Variants in MMP11 observed in about 807,000 individuals in gnomAD.
MMP11 encodes the protein matrix metallopeptidase 11, also known as stromelysin-3.
Under a neutral mutation model 49.5 loss-of-function variants are expected in MMP11, and 26 were observed. The ratio of observed to expected loss-of-function variants is 0.52; its 90% CI spans 0.38 to 0.73. The LOEUF (loss-of-function observed/expected upper bound fraction) is 0.73. MMP11 is among the 30% of genes least tolerant of loss of function. MMP11 has a pLI of 0.00. For synonymous variants in MMP11, 265 were observed against 282.3 expected, an observed-to-expected ratio of 0.94 and a Z score of 0.62; for missense variants, 624 against 671.2, an observed-to-expected ratio of 0.93 and a Z score of 0.78.
In MMP11 at chr22:23,781,375, C is replaced by G. The variant is rs564965702; in HGVS notation, c.1041C>G (p.Phe347Leu). 1.9e-6 allele frequency: 3 copies of G among 1,611,462 alleles called. No individual in the cohort carries two copies. Among genetic ancestry groups the G allele is most frequent in the Admixed American group, 1.7e-5 (1 of 59,580 alleles). Residue 347 changes from phenylalanine to leucine, a missense_variant, in exon 6 of 8, where the codon TTC becomes TTG. Phe to Leu is a conservative substitution (Grantham distance 22). Transcript: ENST00000215743. Reference sequence around the variant, plus strand: ...TGCCCAGCCCTGTGGACGCTGCCTTCGAGGATGCCCAGGGCCACATTTGGT... The same window carrying G: ...TGCCCAGCCCTGTGGACGCTGCCTTGGAGGATGCCCAGGGCCACATTTGGT... ...QGLPSPVDAA[F>L]EDAQGHIWFF... is the part of the protein sequence containing the mutation.
intron 1 of MMP11, among the ~76,000 whole-genome samples, chr22:23,776,011 T>A (rs1409380623): frequency 6.6e-6 from 1 of 152,226 alleles, no homozygotes; most frequent in Non-Finnish European, 1.5e-5. Context: ...AGAGTCTCCA[T>A]GTCATAGAAC....
intron 2 of MMP11, chr22:23,779,665 G>C: frequency 1.8e-6 from 1 of 559,768 alleles, no homozygotes; most frequent in South Asian, 2.4e-5. Flanking sequence ...AAGAGTCGCA[G>C]CACATGCCTG....
Position 23,783,526 on chromosome 22 carries a change from T to G in MMP11, c.1449T>G (p.Pro483=), listed in dbSNP as rs907670161. Residue 483 remains proline (P), a synonymous_variant, in exon 8 of 8, where the codon CCT becomes CCG. Coordinates refer to ENST00000215743, the MANE Select transcript of MMP11 (RefSeq NM_005940.5). ...VGPDFFGCAE[P]ANTFL ...CTGACTTCTTTGGCTGTGCCGAGCCTGCCAACACTTTCCTCTGACCATGGC... is the reference window on the plus strand; with the variant it reads ...CTGACTTCTTTGGCTGTGCCGAGCCGGCCAACACTTTCCTCTGACCATGGC... 6.2e-7 allele frequency: 1 copy of G among 1,614,084 alleles called. No individual in the cohort carries two copies. The highest frequency in any genetic ancestry group is 2.2e-5 in the East Asian group (1 of 44,898).
Position 23,780,593 on chromosome 22 carries a change from G to A in MMP11, c.494G>A (p.Gly165Glu). Residue 165 changes from glycine to glutamate, a missense_variant, in exon 4 of 8, where the codon GGG becomes GAG. Physicochemically the swap from Gly to Glu is moderately conservative, Grantham distance 98 (BLOSUM62 -2). Transcript: ENST00000215743. This position sits in a 1 kb window ranked among gnomAD's most constrained non-coding sequence, Gnocchi z 4.6. ...CCACCCATCTGTAGGTACTGGCATG[G>A]GGACGACCTGCCGTTTGATGGGCCT... ...IMIDFARYWH[G>E]DDLPFDGPGG... 1 of 1,600,466 alleles carries A rather than the reference G, an allele frequency of 6.2e-7. No homozygotes were observed. The highest frequency in any genetic ancestry group is 8.5e-7 in the Non-Finnish European group (1 of 1,172,480).
Position 23,779,531 on chromosome 22 carries a change from A to G in MMP11, c.338+115A>G, listed in dbSNP as rs1024632381. The G allele has an allele frequency of 9.6e-6, 9 of 939,588 alleles. No individual in the cohort carries two copies. The Admixed American group carries it at 1.2e-4, about 13-fold the overall frequency. 58.2% of individuals were successfully genotyped at this position (939,588 alleles called of 1,614,324 possible). ...CAGGGTAGATCTTCGTGTCTAACAG[A>G]CCTGTGTGTCCACTGAACCCCAGGG... On this transcript the variant is annotated intron_variant, in intron 2 of 7. Transcript: ENST00000215743.
At position 23,781,100 on chromosome 22, in the gene MMP11, G is replaced by C. The variant is rs1413103672; in HGVS notation, c.858G>C (p.Glu286Asp). ...ACACCAATGAGATTGCACCGCTGGA[G>C]GTGAGGCCCTGCCTGCCAGTCCCCC... is the stretch of plus-strand genomic sequence containing the variant. Reference protein sequence around the residue: ...GIDTNEIAPLEPDAPPDACEA... With the variant: ...GIDTNEIAPLDPDAPPDACEA... The change falls in exon 5 of 8, where the codon GAG becomes GAC. Residue 286 changes from glutamate to aspartate, a missense_variant and splice_region_variant. By Grantham distance (45) the Glu-to-Asp change is conservative (BLOSUM62 2). Transcript: ENST00000215743. 3 of 1,607,224 alleles carry C rather than the reference G, an allele frequency of 1.9e-6. No individual in the cohort carries two copies. The highest frequency in any genetic ancestry group is 2.5e-6 in the Non-Finnish European group (3 of 1,179,448).
In MMP11 at chr22:23,781,253, G is replaced by C. The variant is rs1051087145; in HGVS notation, c.919G>C (p.Glu307Gln). Residue 307 changes from glutamate to glutamine, a missense_variant, in exon 6 of 8, where the codon GAG becomes CAG. Glu to Gln is a conservative substitution (Grantham distance 29). Transcript: ENST00000215743. ...SFDAVSTIRG[E>Q]LFFFKAGFVW... Reference sequence around the variant, plus strand: ...TGACGCGGTCTCCACCATCCGAGGCGAGCTCTTTTTCTTCAAAGCGGGCTT... The same window carrying C: ...TGACGCGGTCTCCACCATCCGAGGCCAGCTCTTTTTCTTCAAAGCGGGCTT... The C allele has an allele frequency of 3.1e-6, 5 of 1,611,528 alleles. No individual in the cohort carries two copies. In the African/African-American group the frequency reaches 6.7e-5, roughly 22 times the overall value.
At chr22:23,779,712 G>A in intron 2 of MMP11, 4 of 486,696 alleles carry the variant, frequency 8.2e-6, no homozygotes, top group Non-Finnish European at 1.5e-5. Context: ...GCCTTTACAA[G>A]AGACCTGTGA....
At chr22:23,776,933 G>A (rs1227188420) in intron 1 of MMP11, among the ~76,000 whole-genome samples, 3 of 150,996 alleles carry the variant, frequency 2.0e-5, no homozygotes, top group Admixed American at 6.6e-5. Context: ...TCAGCCTCCC[G>A]AATAGCTGGG....
chr22:23,780,847 T>A lies in MMP11; in HGVS notation c.617-12T>A. 1 of 1,609,558 alleles carries A rather than the reference T, an allele frequency of 6.2e-7. No homozygotes were observed. Among genetic ancestry groups the A allele is most frequent in the Non-Finnish European group, 8.5e-7 (1 of 1,177,416 alleles). On this transcript the variant is annotated splice_polypyrimidine_tract_variant and intron_variant, in intron 4 of 7. Coordinates refer to ENST00000215743, the MANE Select transcript of MMP11 (RefSeq NM_005940.5). The surrounding 1 kb of genome is among the most constrained non-coding windows in gnomAD (Gnocchi z 4.6). ...GAGGTTCGGGGGTTGCTGAGCCACCTCCCTTTTTCAGGCACAGACCTGCTG... is the reference window on the plus strand; with the variant it reads ...GAGGTTCGGGGGTTGCTGAGCCACCACCCTTTTTCAGGCACAGACCTGCTG...
rs1307317825 is a variant in MMP11, at chr22:23,781,420, G to T, written c.1075+11G>T. On this transcript the variant is annotated intron_variant, in intron 6 of 7. Transcript: ENST00000215743. ...TTTGGTTCTTCCAAGGTGAGTGGGG[G>T]TTGGGGATCTGCTCGAGAGACTTCC... 6.3e-6 allele frequency: 10 copies of T among 1,584,564 alleles called. No individual in the cohort carries two copies. Among genetic ancestry groups the T allele is most frequent in the African/African-American group, 1.3e-5 (1 of 74,136 alleles).
chr22:23,779,101 G>C, intron 1 of MMP11, 86 bp from the exon 2 acceptor site: 1 of 1,092,930 alleles, frequency 9.1e-7, no homozygotes, highest in Non-Finnish European at 1.3e-6. Context: ...GGGGTTGCAC[G>C]TGTGTTTGCT....
At position 23,783,433 on chromosome 22, in the gene MMP11, C is replaced by T. The variant is rs1304489222; in HGVS notation, c.1356C>T (p.Gly452=). The T allele has an allele frequency of 1.2e-6, 2 of 1,614,094 alleles. No individual in the cohort carries two copies. The highest frequency in any genetic ancestry group is 1.3e-5 in the African/African-American group (1 of 74,944). The change falls in exon 8 of 8, where the codon GGC becomes GGT. Residue 452 remains glycine, a synonymous_variant. Coordinates refer to ENST00000215743, the MANE Select transcript of MMP11 (RefSeq NM_005940.5). ...CAGGCTATGCCTACTTCCTGCGCGGCCGCCTCTACTGGAAGTTTGACCCTG... is the reference window on the plus strand; with the variant it reads ...CAGGCTATGCCTACTTCCTGCGCGGTCGCCTCTACTGGAAGTTTGACCCTG... ...DADGYAYFLR[G]RLYWKFDPVK... is the part of the protein sequence containing the mutation.
chr22:23,779,255 G>T lies in MMP11; in HGVS notation c.177G>T (p.Pro59=). 6.2e-7 allele frequency: 1 copy of T among 1,609,280 alleles called. No individual in the cohort carries two copies. The highest frequency in any genetic ancestry group is 8.5e-7 in the Non-Finnish European group (1 of 1,178,510). The change falls in exon 2 of 8, where the codon CCG becomes CCT. Residue 59 remains proline (P), a synonymous_variant. Transcript: ENST00000215743. ...QPWHAALPSS[P]APAPATQEAP... ...GGCATGCAGCCCTGCCCAGTAGCCC[G>T]GCACCTGCCCCTGCCACGCAGGAAG...
chr22:23,774,572 T>G (rs537030884), intron 1 of MMP11, among the ~76,000 whole-genome samples: 5 of 151,744 alleles, frequency 3.3e-5, no homozygotes, highest in Non-Finnish European at 5.9e-5. Flanking sequence ...GGGGTGAGAA[T>G]AGGAAGATTA....
chr22:23,777,301 C>T lies in MMP11; in HGVS notation c.109-1886C>T, dbSNP rs1390045612. Among the ~76,000 whole-genome samples the T allele has an allele frequency of 6.0e-5, 9 of 150,786 alleles. No individual in the cohort carries two copies. In the East Asian group the frequency reaches 1.2e-3, roughly 20 times the overall value. On this transcript the variant is annotated intron_variant, in intron 1 of 7. Transcript: ENST00000215743. ...CCAGGCGTGAGGCTGGGTGCGGTGG[C>T]GCATGCTTGTAATCCCAGCACTTTG...
At chr22:23,776,295 C>T (rs1220938921) in intron 1 of MMP11, among the ~76,000 whole-genome samples, 2 of 152,152 alleles carry the variant, frequency 1.3e-5, no homozygotes. Flanking sequence ...ACAGCTCTGC[C>T]CTTTCCAGGG....
chr22:23,779,643 C>T (rs919535950), intron 2 of MMP11: 23 of 572,356 alleles, frequency 4.0e-5, no homozygotes, highest in African/African-American at 7.5e-5. Flanking sequence ...GCAGAGCCTC[C>T]GTCATCATGC....
chr22:23,780,248 C>T lies in MMP11; in HGVS notation c.339-111C>T. The T allele has an allele frequency of 7.3e-7, 1 of 1,364,392 alleles. No individual in the cohort carries two copies. Among genetic ancestry groups the T allele is most frequent in the Non-Finnish European group, 1.0e-6 (1 of 982,844 alleles). 84.5% of individuals were successfully genotyped at this position (1,364,392 alleles called of 1,614,324 possible). On this transcript the variant is annotated intron_variant, in intron 2 of 7. Transcript: ENST00000215743. The surrounding 1 kb of genome is among the most constrained non-coding windows in gnomAD (Gnocchi z 4.6). Reference sequence around the variant, plus strand: ...AGCTGAGGCCCAGAGTACACCTGGCCTGTGTCCTGAGTGTTCACACACCCA... The same window carrying T: ...AGCTGAGGCCCAGAGTACACCTGGCTTGTGTCCTGAGTGTTCACACACCCA...
Sources: gnomAD v4.1 joint callset for allele counts (sites outside exome capture counted in the v4.1 genomes callset) on GRCh38, gnomAD v4.1.1 for gene constraint, Gnocchi (gnomAD v3.1) non-coding constraint, MANE v1.5 for transcripts, NCBI Gene and HGNC (gene_info 2026-07-23, HGNC 2026-07-21) for gene names.